MSANTD3: variants seen among roughly 807,000 people sequenced by gnomAD.
The protein encoded by MSANTD3 is Myb/SANT DNA binding domain containing 3, also known as myb/SANT-like DNA-binding domain-containing protein 3.
Under a neutral mutation model 27.7 loss-of-function variants are expected in MSANTD3, and 11 were observed. The ratio of observed to expected loss-of-function variants is 0.40; its 90% CI spans 0.25 to 0.66. The LOEUF (loss-of-function observed/expected upper bound fraction) is 0.66, where lower values mean the gene tolerates loss of function less well. Among genes scored for constraint, MSANTD3 ranks in the 30% least tolerant of loss-of-function variants. The pLI is 0.41. For synonymous variants in MSANTD3, 131 were observed against 127.2 expected (o/e 1.03, Z -0.20); for missense variants, 250 against 336.5 (o/e 0.74, Z 2.01).
chr9:100,427,233 C>A lies in MSANTD3; in HGVS notation c.-194C>A, dbSNP rs980403380. ...TGTGGCCGCGGCGCGCGCGGCGGGG[C>A]CTGGCCGGCCGGGGGCGCGCCGCCG... On this transcript the variant is annotated 5_prime_UTR_variant, in exon 1 of 3. Coordinates refer to ENST00000395067, the MANE Select transcript of MSANTD3 (RefSeq NM_080655.3). The A allele has an allele frequency of 1.2e-4, 17 of 145,652 alleles. No homozygotes were observed. Among genetic ancestry groups the A allele is most frequent in the African/African-American group, 4.2e-4 (17 of 40,700 alleles). 9.0% of individuals were successfully genotyped at this position (145,652 alleles called of 1,614,324 possible).
rs1269375405 is a variant in MSANTD3, at chr9:100,427,351, G to GGCCCC, written c.-75_-71dup. On this transcript the variant is annotated 5_prime_UTR_variant, in exon 1 of 3. Transcript: ENST00000395067. ...AGGCCGCCCGCCCTCGCGCCTCGCCGGCCCCTCCCCCGGTCGCCGCGGCTG... is the reference window on the plus strand; with the variant it reads ...AGGCCGCCCGCCCTCGCGCCTCGCCGGCCCCGCCCCTCCCCCGGTCGCCGCGGCTG... 6.8e-6 allele frequency: 1 copy of GGCCCC among 146,696 alleles called. No homozygotes were observed. The highest frequency in any genetic ancestry group is 2.5e-5 in the African/African-American group (1 of 40,788). The allele number at this position is 146,696 out of a possible 1,614,324, so 9.1% of individuals were successfully genotyped here. A position where few individuals can be genotyped will look rare whatever the true frequency, so the allele number is the denominator to read the frequency against.
chr9:100,442,101 G>A lies in MSANTD3; in HGVS notation c.163G>A (p.Glu55Lys). The A allele has an allele frequency of 6.2e-7, 1 of 1,614,144 alleles. No homozygotes were observed. Among genetic ancestry groups the A allele is most frequent in the Non-Finnish European group, 8.5e-7 (1 of 1,180,040 alleles). The change falls in exon 2 of 3, where the codon GAA (glutamate) becomes AAA (lysine). Residue 55 changes from glutamate to lysine, a missense_variant. Coordinates refer to ENST00000395067, the MANE Select transcript of MSANTD3 (RefSeq NM_080655.3). ...GCGTACCTGGCAGGCGCTGGCCCAC[G>A]AATACAACTCTCAGCCCAGCGTGTC... The part of the protein sequence containing the change: ...KQRTWQALAH[E>K]YNSQPSVSLR...
intron 1 of MSANTD3, among the ~76,000 whole-genome samples, chr9:100,432,181 TG>T (rs1298951713): frequency 6.6e-6 from 1 of 150,894 alleles, no homozygotes; most frequent in Non-Finnish European, 1.5e-5. Context: ...CTGCCTGGAG[TG>T]GGTGGAAAAG....
At chr9:100,441,620 CAA>C (rs1836623254) in intron 1 of MSANTD3, among the ~76,000 whole-genome samples, 1 of 151,990 alleles carries the variant, frequency 6.6e-6, no homozygotes, top group African/African-American at 2.4e-5. Context: ...GCCTGGGTGA[CAA>C]GAGCGAGACT....
rs773424982 is a variant in MSANTD3 at position 100,442,111 on chromosome 9, C to G, written c.173C>G (p.Ser58Cys). The G allele has an allele frequency of 1.2e-6, 2 of 1,614,102 alleles. No homozygotes were observed. Among genetic ancestry groups the G allele is most frequent in the Non-Finnish European group, 1.7e-6 (2 of 1,180,050 alleles). The change falls in exon 2 of 3, where the codon TCT (serine) becomes TGT (cysteine). Residue 58 changes from serine to cysteine, a missense_variant. Coordinates refer to ENST00000395067, the MANE Select transcript of MSANTD3 (RefSeq NM_080655.3). ...CAGGCGCTGGCCCACGAATACAACT[C>G]TCAGCCCAGCGTGTCCCTGCGGGAT... is the stretch of plus-strand genomic sequence containing the variant. ...TWQALAHEYN[S>C]QPSVSLRDFK...
chr9:100,439,777 C>T (rs913969680), intron 1 of MSANTD3, among the ~76,000 whole-genome samples: 2 of 151,900 alleles, frequency 1.3e-5, no homozygotes, highest in Non-Finnish European at 2.9e-5. Flanking sequence ...CCTCAGCCTC[C>T]CAAAGTCCTG....
At chr9:100,448,357 G>A (rs1836807581) in intron 2 of MSANTD3, 2 of 985,340 alleles carry the variant, frequency 2.0e-6, no homozygotes, top group Non-Finnish European at 2.4e-6. Context: ...AATGTCTAAT[G>A]TGTCCAGTCT....
rs143227239 is a variant in MSANTD3 at position 100,448,059 on chromosome 9, G to T, written c.419-2498G>T. ...TACAAAAAATTAATCAGGCTTGGTG[G>T]TGTATGCCTGTAGTCCCAGCTAGTT... On this transcript the variant is annotated intron_variant, in intron 2 of 2. Transcript: ENST00000395067. The T allele has an allele frequency of 6.3e-5, 14 of 222,360 alleles. No homozygotes were observed. The South Asian group carries it at 2.3e-3, about 36-fold the overall frequency. 13.8% of individuals were successfully genotyped at this position (222,360 alleles called of 1,614,324 possible). A position where few individuals can be genotyped will look rare whatever the true frequency, so the allele number is the denominator to read the frequency against.
Position 100,450,608 on chromosome 9 carries a change from T to C in MSANTD3, c.470T>C (p.Ile157Thr). The C allele has an allele frequency of 6.2e-7, 1 of 1,603,408 alleles. No individual in the cohort carries two copies. Among genetic ancestry groups the C allele is most frequent in the Non-Finnish European group, 8.5e-7 (1 of 1,177,224 alleles). Residue 157 changes from isoleucine (I) to threonine (T), a missense_variant, in exon 3 of 3, where the codon ATA (isoleucine) becomes ACA (threonine). By Grantham distance (89) the Ile-to-Thr change is moderately conservative. Around this residue, in one of 3 missense-constraint regions of MSANTD3, gnomAD observed 235 missense variants for 299.3 expected, o/e 0.79. Transcript: ENST00000395067. ...RELCDDEKEF[I>T]HFPVCEGTSQ... ...CTGTGCGATGATGAGAAAGAGTTCA[T>C]ACATTTTCCAGTATGTGAGGGGACC...
chr9:100,431,930 G>T (rs928256636), intron 1 of MSANTD3, among the ~76,000 whole-genome samples: 1 of 152,180 alleles, frequency 6.6e-6, no homozygotes, highest in African/African-American at 2.4e-5. Context: ...TTCTGTGGAA[G>T]ATACCTTAAT....
At chr9:100,427,630 G>A (rs10989089) in intron 1 of MSANTD3, 5 of 152,178 alleles carry the variant, frequency 3.3e-5, no homozygotes, top group African/African-American at 1.2e-4. Context: ...GGGGTACTCA[G>A]TGGCGCGCCC....
chr9:100,439,238 G>A lies in MSANTD3; in HGVS notation c.-33-2668G>A, dbSNP rs562411105. Among the ~76,000 whole-genome samples the A allele has an allele frequency of 2.0e-5, 3 of 152,266 alleles. No homozygotes were observed. The East Asian group carries it at 5.8e-4, about 29-fold the overall frequency. On this transcript the variant is annotated intron_variant, in intron 1 of 2. Transcript: ENST00000395067. ...CTCTGATCTGGCCCAGTCCTCTCCA[G>A]CCTCAGTCAAACAGATTTCAGCCAT... is the stretch of plus-strand genomic sequence containing the variant.
At chr9:100,438,040 G>A (rs1836516626) in intron 1 of MSANTD3, among the ~76,000 whole-genome samples, 1 of 152,114 alleles carries the variant, frequency 6.6e-6, no homozygotes, top group African/African-American at 2.4e-5. Context: ...CTCCCCACAA[G>A]TCCACCACCA....
chr9:100,430,394 A>G (rs924332185), intron 1 of MSANTD3, among the ~76,000 whole-genome samples: 1 of 151,854 alleles, frequency 6.6e-6, no homozygotes, highest in Admixed American at 6.6e-5. Context: ...ATTCCAGCCA[A>G]AGGAAGCCGC....
At chr9:100,448,418 A>T in intron 2 of MSANTD3, 1 of 985,302 alleles carries the variant, frequency 1.0e-6, no homozygotes, top group Non-Finnish European at 1.2e-6. Flanking sequence ...AGGTGAGGTA[A>T]TGCTCTTTGC....
chr9:100,446,852 A>G (rs1169274566), intron 2 of MSANTD3, among the ~76,000 whole-genome samples: 1 of 149,680 alleles, frequency 6.7e-6, no homozygotes, highest in African/African-American at 2.5e-5. Flanking sequence ...ATCAATTCCC[A>G]CTGCAGTGTG....
intron 2 of MSANTD3, among the ~76,000 whole-genome samples, chr9:100,443,533 G>A (rs1030525487): frequency 1.3e-5 from 2 of 152,082 alleles, no homozygotes; most frequent in South Asian, 4.1e-4. Flanking sequence ...CACAGTTTTG[G>A]TTTGTGGCAC....
At chr9:100,447,521 G>C (rs1042313259) in intron 2 of MSANTD3, among the ~76,000 whole-genome samples, 1 of 152,124 alleles carries the variant, frequency 6.6e-6, no homozygotes, top group African/African-American at 2.4e-5. Flanking sequence ...CAGGATACAC[G>C]CCCATATTCT....
intron 2 of MSANTD3, among the ~76,000 whole-genome samples, chr9:100,449,741 G>T (rs74381348): frequency 0.027 from 4,096 of 152,276 alleles, 167 homozygotes; most frequent in African/African-American, 0.093. Context: ...GATAAGAACA[G>T]AGCCACAGAT....
Sources: gnomAD v4.1 joint callset for allele counts (sites outside exome capture counted in the v4.1 genomes callset) on GRCh38, gnomAD v4.1.1 for gene constraint, gnomAD v4.1.1 regional missense constraint, MANE v1.5 for transcripts, NCBI Gene and HGNC (gene_info 2026-07-23, HGNC 2026-07-21) for gene names.